Variants in IMMP2L observed in about 807,000 individuals in gnomAD.
IMMP2L encodes mitochondrial inner membrane protease subunit 2.
Under a neutral mutation model 19.3 loss-of-function variants are expected in IMMP2L, and 18 were observed. That is an observed-to-expected ratio of 0.93 (90% CI 0.64 to 1.38). The LOEUF is 1.38. Ranked by LOEUF, IMMP2L falls within the 40% of genes most tolerant of loss-of-function variation. IMMP2L has a pLI of 0.00. For missense variants in IMMP2L, 233 were observed against 218.2 expected, an observed-to-expected ratio of 1.07 and a Z score of -0.43; for synonymous variants, 76 against 73.0, an observed-to-expected ratio of 1.04 and a Z score of -0.21.
At chr7:111,226,308 C>T (rs1419891955) in intron 3 of IMMP2L, among the ~76,000 whole-genome samples, 1 of 151,994 alleles carries the variant, frequency 6.6e-6, no homozygotes, top group Non-Finnish European at 1.5e-5. Flanking sequence ...CATGTGCCAC[C>T]ATGCCCAGCT....
At chr7:111,524,970 C>A (rs1011181406) in intron 1 of IMMP2L, among the ~76,000 whole-genome samples, 15 of 152,140 alleles carry the variant, frequency 9.9e-5, no homozygotes, top group African/African-American at 3.6e-4. Flanking sequence ...CGGTCTTCCA[C>A]AAGCACTGTG....
chr7:110,967,394 G>A (rs1819652076), intron 3 of IMMP2L, among the ~76,000 whole-genome samples: 1 of 151,860 alleles, frequency 6.6e-6, no homozygotes, highest in Admixed American at 6.6e-5. Context: ...CTCTTTTCCT[G>A]ACCACCCCCA....
At chr7:110,899,503 AAAT>A (rs1371055882) in intron 4 of IMMP2L, among the ~76,000 whole-genome samples, 1 of 152,200 alleles carries the variant, frequency 6.6e-6, no homozygotes, top group East Asian at 1.9e-4. Context: ...CATTAAATAT[AAAT>A]AAGAATAAAA....
chr7:111,253,705 A>C (rs1381304834), intron 3 of IMMP2L, among the ~76,000 whole-genome samples: 3 of 152,166 alleles, frequency 2.0e-5, no homozygotes, highest in Admixed American at 6.6e-5. Context: ...CCAAATCACA[A>C]AATATGTATC....
chr7:111,476,675 C>T (rs918005819), intron 3 of IMMP2L, among the ~76,000 whole-genome samples: 46 of 152,074 alleles, frequency 3.0e-4, no homozygotes, highest in African/African-American at 1.1e-3. Flanking sequence ...GTTGTAAGAC[C>T]GAGGTACTTG....
intron 5 of IMMP2L, among the ~76,000 whole-genome samples, chr7:110,837,070 T>C (rs574042095): frequency 1.3e-5 from 2 of 152,296 alleles, no homozygotes; most frequent in South Asian, 2.1e-4. Context: ...AGGTTGTTTA[T>C]TGCTGTTAGT....
chr7:111,481,573 T>C (rs548077278), intron 3 of IMMP2L, among the ~76,000 whole-genome samples: 8 of 152,058 alleles, frequency 5.3e-5, no homozygotes, highest in Middle Eastern at 6.8e-3. Context: ...AAATAAGCAG[T>C]CAATAAACAC....
At chr7:111,069,814 A>C (rs1229520601) in intron 3 of IMMP2L, among the ~76,000 whole-genome samples, 1 of 152,168 alleles carries the variant, frequency 6.6e-6, no homozygotes, top group Admixed American at 6.5e-5. Flanking sequence ...GACCCCCAGG[A>C]TCTCATTAGA....
chr7:110,793,645 G>GT (rs1800632346), intron 5 of IMMP2L, among the ~76,000 whole-genome samples: 1 of 152,058 alleles, frequency 6.6e-6, no homozygotes, highest in Non-Finnish European at 1.5e-5. Flanking sequence ...TGTAGAATGA[G>GT]TAAGTCTAGA....
At chr7:111,164,066 C>T (rs1453787514) in intron 3 of IMMP2L, among the ~76,000 whole-genome samples, 1 of 115,346 alleles carries the variant, frequency 8.7e-6, no homozygotes, top group Admixed American at 1.2e-4. Flanking sequence ...CATAGTATGA[C>T]AATAGTTATA....
At chr7:110,755,052 T>C (rs1341159046) in intron 5 of IMMP2L, among the ~76,000 whole-genome samples, 1 of 151,996 alleles carries the variant, frequency 6.6e-6, no homozygotes, top group Non-Finnish European at 1.5e-5. Context: ...AGGCAATGGA[T>C]TAAGGCATAA....
chr7:111,084,927 T>C (rs770415507), intron 3 of IMMP2L, among the ~76,000 whole-genome samples: 40 of 152,188 alleles, frequency 2.6e-4, no homozygotes, highest in Non-Finnish European at 4.7e-4. Context: ...GTTGTTATTA[T>C]AGTATGAGTA....
At chr7:111,169,093 G>A (rs1716703484) in intron 3 of IMMP2L, among the ~76,000 whole-genome samples, 1 of 151,914 alleles carries the variant, frequency 6.6e-6, no homozygotes, top group Non-Finnish European at 1.5e-5. Flanking sequence ...CAATCATGTA[G>A]TTTTTAAAAG....
At chr7:110,779,846 G>A (rs1326395389) in intron 5 of IMMP2L, among the ~76,000 whole-genome samples, 1 of 151,670 alleles carries the variant, frequency 6.6e-6, no homozygotes, top group African/African-American at 2.4e-5. Flanking sequence ...GTAATAGTAA[G>A]GAAAATACAG....
At chr7:111,195,428 TAA>T (rs1265770270) in intron 3 of IMMP2L, among the ~76,000 whole-genome samples, 1 of 151,652 alleles carries the variant, frequency 6.6e-6, no homozygotes, top group East Asian at 1.9e-4. Flanking sequence ...TTGCAAGGAA[TAA>T]AAAAGAGATA....
chr7:111,134,276 T>C (rs1802124584), intron 3 of IMMP2L, among the ~76,000 whole-genome samples: 1 of 152,090 alleles, frequency 6.6e-6, no homozygotes, highest in Non-Finnish European at 1.5e-5. Flanking sequence ...TAGATTTTTA[T>C]ATCACTTTCT....
intron 5 of IMMP2L, among the ~76,000 whole-genome samples, chr7:110,774,677 C>G (rs561512519): frequency 6.6e-6 from 1 of 152,066 alleles, no homozygotes; most frequent in East Asian, 1.9e-4. Context: ...GTTACAAGTG[C>G]CTACGGTATT....
At chr7:111,157,668 C>G (rs2129605101) in intron 3 of IMMP2L, among the ~76,000 whole-genome samples, 1 of 152,038 alleles carries the variant, frequency 6.6e-6, no homozygotes, top group South Asian at 2.1e-4. Context: ...GATGATAGTA[C>G]AACACTGTGT....
At chr7:111,154,914 T>C (rs1290078848) in intron 3 of IMMP2L, among the ~76,000 whole-genome samples, 1 of 151,948 alleles carries the variant, frequency 6.6e-6, no homozygotes, top group African/African-American at 2.4e-5. Flanking sequence ...TGCCCCACTA[T>C]GCTCAGGTAA....
Sources: allele counts gnomAD v4.1 joint callset (sites outside exome capture counted in the v4.1 genomes callset), GRCh38; gene constraint gnomAD v4.1.1; transcripts MANE v1.5; gene names NCBI Gene and HGNC (gene_info 2026-07-23, HGNC 2026-07-21).